The following SNX29 variants were observed in gnomAD, a reference collection of about 807,000 sequenced individuals.
SNX29 encodes the protein sorting nexin-29.
SNX29 carries 78 observed loss-of-function variants against 102.1 expected under a neutral mutation model. That is an observed-to-expected ratio of 0.76 (90% CI 0.64 to 0.92). The LOEUF is 0.92. Ranked by LOEUF, SNX29 falls within the 40% of genes least tolerant of loss-of-function variation. SNX29 has a pLI of 0.00. For missense variants in SNX29, 1,280 were observed against 1,061.7 expected, an observed-to-expected ratio of 1.21 and a Z score of -2.86; for synonymous variants, 580 against 414.5, an observed-to-expected ratio of 1.40 and a Z score of -4.85.
chr16:12,360,258 T>A (rs1401873191), intron 16 of SNX29, among the ~76,000 whole-genome samples: 1 of 152,212 alleles, frequency 6.6e-6, no homozygotes, highest in Non-Finnish European at 1.5e-5. Flanking sequence ...TATAGTGCAG[T>A]TGGTTGGTGT....
chr16:12,326,436 T>C (rs1003337227), intron 15 of SNX29, among the ~76,000 whole-genome samples: 3 of 151,448 alleles, frequency 2.0e-5, no homozygotes, highest in Admixed American at 1.3e-4. Context: ...ACTGGGCAAG[T>C]TGGCAAACTT....
chr16:12,423,364 A>G (rs1418288248), intron 18 of SNX29, among the ~76,000 whole-genome samples: 2 of 152,088 alleles, frequency 1.3e-5, no homozygotes, highest in South Asian at 2.1e-4. Context: ...CAGGATGAAC[A>G]TCGGGCATGA....
intron 15 of SNX29, among the ~76,000 whole-genome samples, chr16:12,322,379 A>G (rs573619472): frequency 6.6e-6 from 1 of 152,150 alleles, no homozygotes; most frequent in African/African-American, 2.4e-5. Context: ...CCTAGTGTTC[A>G]TGACAGTTCT....
At chr16:12,475,475 T>G (rs146580279) in intron 18 of SNX29, among the ~76,000 whole-genome samples, 1 of 152,358 alleles carries the variant, frequency 6.6e-6, no homozygotes, top group Non-Finnish European at 1.5e-5. Context: ...TTAACTCTGC[T>G]GTACAGAAGC....
At chr16:11,989,552 C>G (rs571332026) in intron 1 of SNX29, among the ~76,000 whole-genome samples, 2 of 152,234 alleles carry the variant, frequency 1.3e-5, no homozygotes, top group African/African-American at 4.8e-5. Flanking sequence ...CACCACCGCA[C>G]TCTGCCCATG....
intron 19 of SNX29, among the ~76,000 whole-genome samples, chr16:12,515,077 C>T (rs962081233): frequency 1.3e-5 from 2 of 152,158 alleles, no homozygotes; most frequent in Non-Finnish European, 2.9e-5. Flanking sequence ...GCTCCTCCTG[C>T]TGCTGCTACT....
chr16:12,161,778 T>C (rs993805216), intron 13 of SNX29, among the ~76,000 whole-genome samples: 4 of 149,760 alleles, frequency 2.7e-5, no homozygotes, highest in Non-Finnish European at 6.0e-5. Context: ...CCCGCCCTTC[T>C]TCTCTTGCCT....
At chr16:12,218,009 G>T (rs1019682300) in intron 14 of SNX29, among the ~76,000 whole-genome samples, 8 of 152,110 alleles carry the variant, frequency 5.3e-5, no homozygotes, top group Non-Finnish European at 1.2e-4. Context: ...ACCTTTTGGG[G>T]ACAATTTTTA....
chr16:12,463,834 G>GTT (rs1243300063), intron 18 of SNX29, among the ~76,000 whole-genome samples: 1 of 150,884 alleles, frequency 6.6e-6, no homozygotes, highest in African/African-American at 2.4e-5. Flanking sequence ...GTGTGTGTGT[G>GTT]TGTGTGTGTG....
At chr16:12,425,431 A>C (rs2151604202) in intron 18 of SNX29, among the ~76,000 whole-genome samples, 1 of 151,860 alleles carries the variant, frequency 6.6e-6, no homozygotes, top group South Asian at 2.1e-4. Context: ...ACCGGAGCAC[A>C]GATCTTAGAA....
At chr16:12,378,774 T>A (rs138057708) in intron 16 of SNX29, among the ~76,000 whole-genome samples, 3 of 152,312 alleles carry the variant, frequency 2.0e-5, no homozygotes, top group Admixed American at 2.0e-4. Flanking sequence ...CATTTCTGCC[T>A]GACTCCGTTC....
At chr16:12,541,276 A>AG (rs2077326449) in intron 20 of SNX29, among the ~76,000 whole-genome samples, 2 of 152,202 alleles carry the variant, frequency 1.3e-5, no homozygotes, top group African/African-American at 4.8e-5. Flanking sequence ...TGACAGGAGC[A>AG]GGGGAATACC....
At chr16:12,414,287 T>C (rs1010239959) in intron 18 of SNX29, among the ~76,000 whole-genome samples, 1 of 152,126 alleles carries the variant, frequency 6.6e-6, no homozygotes, top group African/African-American at 2.4e-5. Flanking sequence ...GGTAAGAGAA[T>C]TGCTTGAGCC....
At chr16:12,366,042 CAAAAAA>C (rs55895030) in intron 16 of SNX29, among the ~76,000 whole-genome samples, 842 of 72,430 alleles carry the variant, frequency 0.012, 14 homozygotes, top group African/African-American at 0.032. Context: ...ACTCTTGTCT[CAAAAAA>C]AAAAAAAAAA....
chr16:12,317,605 C>G (rs886644738), intron 15 of SNX29, among the ~76,000 whole-genome samples: 2 of 152,228 alleles, frequency 1.3e-5, no homozygotes, highest in Non-Finnish European at 2.9e-5. Context: ...CTAACACTCT[C>G]ACTTCCTCAC....
At chr16:12,449,511 C>T (rs904917651) in intron 18 of SNX29, among the ~76,000 whole-genome samples, 6 of 152,080 alleles carry the variant, frequency 3.9e-5, no homozygotes, top group Admixed American at 3.3e-4. Flanking sequence ...AACTGGCTTA[C>T]AGAAAAAGGG....
At chr16:12,558,390 A>C (rs780702290) in intron 20 of SNX29, among the ~76,000 whole-genome samples, 9 of 152,074 alleles carry the variant, frequency 5.9e-5, no homozygotes, top group Non-Finnish European at 1.0e-4. Flanking sequence ...TTTTACATAG[A>C]GTGATATGTT....
At chr16:12,224,829 G>A (rs532409859) in intron 14 of SNX29, among the ~76,000 whole-genome samples, 18 of 152,208 alleles carry the variant, frequency 1.2e-4, no homozygotes, top group African/African-American at 4.1e-4. Flanking sequence ...ATGAGCCCAG[G>A]CAAACGTGAC....
In SNX29 at chr16:12,221,571, G is replaced by A. The variant is rs559562810; in HGVS notation, c.1678+21888G>A. On this transcript the variant is annotated intron_variant, in intron 14 of 20. Transcript: ENST00000566228. ...GGAGGTTGCAGTAAGCCAAGATGGC[G>A]CCACTGCACACCAGCCTGGGCAACA... Among the ~76,000 whole-genome samples, 11 of 152,260 alleles carry A rather than the reference G, an allele frequency of 7.2e-5. No individual in the cohort carries two copies. In the South Asian group the frequency reaches 1.0e-3, roughly 14 times the overall value.
Sources: allele counts gnomAD v4.1 joint callset (sites outside exome capture counted in the v4.1 genomes callset), GRCh38; gene constraint gnomAD v4.1.1; transcripts MANE v1.5; gene names NCBI Gene and HGNC (gene_info 2026-07-23, HGNC 2026-07-21).